XPO6: variants seen among roughly 807,000 people sequenced by gnomAD.
The protein encoded by XPO6 is exportin-6.
Under a neutral mutation model 130.0 loss-of-function variants are expected in XPO6, and 3 were observed. The observed-to-expected ratio is 0.02, with a 90% CI of 0.01 to 0.06. The LOEUF is 0.06. Ranked by LOEUF, XPO6 falls within the 10% of genes least tolerant of loss-of-function variation. The probability of loss-of-function intolerance (pLI) is 1.00; values close to 1 mark genes in which losing one functional copy is unlikely to be tolerated. For missense variants in XPO6, 970 were observed against 1,393.0 expected (o/e 0.70, Z 4.83); for synonymous variants, 524 against 548.9 (o/e 0.95, Z 0.63).
chr16:28,133,529 C>T (rs986311037), intron 11 of XPO6, among the ~76,000 whole-genome samples: 1 of 152,124 alleles, frequency 6.6e-6, no homozygotes, highest in Non-Finnish European at 1.5e-5. Context: ...GCCAGCTTTT[C>T]AGCAATGTAA....
intron 5 of XPO6, 85 bp from the exon 6 acceptor site, chr16:28,166,670 C>T: frequency 1.9e-6 from 3 of 1,539,444 alleles, no homozygotes; most frequent in Non-Finnish European, 2.6e-6. Context: ...CTTGATACCT[C>T]TGATCAAACA....
intron 15 of XPO6, among the ~76,000 whole-genome samples, chr16:28,116,479 CA>C (rs771991055): frequency 2.8e-3 from 267 of 94,884 alleles, no homozygotes; most frequent in Admixed American, 3.3e-3. Context: ...ACAAAAACGA[CA>C]AAAAAAAAAA....
chr16:28,129,838 G>A (rs771820452), intron 12 of XPO6, among the ~76,000 whole-genome samples: 29 of 152,360 alleles, frequency 1.9e-4, no homozygotes, highest in South Asian at 8.3e-4. Flanking sequence ...GGGTTACTTA[G>A]AGGAGAAATA....
Position 28,133,945 on chromosome 16 carries a change from G to T in XPO6, c.1444-12C>A. 6.2e-7 allele frequency: 1 copy of T among 1,613,636 alleles called. No individual in the cohort carries two copies. The highest frequency in any genetic ancestry group is 8.5e-7 in the Non-Finnish European group (1 of 1,179,814). Reference sequence around the variant, plus strand: ...CACTCCGTCTGCTGCTGTAGGGGAAGCACAGGAGAATCAGCTCTCCCAGAA... The same window carrying T: ...CACTCCGTCTGCTGCTGTAGGGGAATCACAGGAGAATCAGCTCTCCCAGAA... On this transcript the variant is annotated splice_polypyrimidine_tract_variant and intron_variant, in intron 10 of 23. Transcript: ENST00000304658.
intron 1 of XPO6, among the ~76,000 whole-genome samples, chr16:28,194,431 C>G (rs1468085584): frequency 6.6e-6 from 1 of 152,164 alleles, no homozygotes. Context: ...GGACTAGACT[C>G]ATGATTCTAG....
In XPO6 at chr16:28,103,937, G is replaced by C. The variant is rs190689367; in HGVS notation, c.2946+609C>G. Among the ~76,000 whole-genome samples, 481 of 152,354 alleles carry C rather than the reference G, an allele frequency of 3.2e-3. 5 individuals carry two copies. The highest frequency in any genetic ancestry group is 0.011 in the African/African-American group (467 of 41,590). ...GACTCCCCTAGCTAGACTCAGATGAGAACGTCAGACACTTGAGTGCAGACC... is the reference window on the plus strand; with the variant it reads ...GACTCCCCTAGCTAGACTCAGATGACAACGTCAGACACTTGAGTGCAGACC... On this transcript the variant is annotated intron_variant, in intron 21 of 23. Transcript: ENST00000304658.
chr16:28,133,495 T>C (rs1468516504), intron 11 of XPO6, among the ~76,000 whole-genome samples: 1 of 152,156 alleles, frequency 6.6e-6, no homozygotes, highest in East Asian at 1.9e-4. Context: ...AGCTAGCAAT[T>C]TGCCAAGAGC....
chr16:28,156,557 C>G, intron 6 of XPO6, 30 bp from the exon 7 acceptor site: 1 of 1,491,110 alleles, frequency 6.7e-7, no homozygotes, highest in Non-Finnish European at 9.0e-7. Context: ...TTAAGCTATC[C>G]AGCATCAAAT....
chr16:28,154,741 A>G (rs900719643), intron 7 of XPO6: 5 of 152,216 alleles, frequency 3.3e-5, no homozygotes, highest in African/African-American at 4.8e-5. Context: ...AAGCCACAAC[A>G]AAGTTGTCTG....
chr16:28,107,434 A>C (rs2141239223), intron 18 of XPO6, 88 bp downstream of exon 18: 40 of 1,482,134 alleles, frequency 2.7e-5, no homozygotes, highest in Non-Finnish European at 3.5e-5. Context: ...CCTGTACTGC[A>C]CCGACTCAGT....
chr16:28,201,298 TC>T (rs2043949577), intron 1 of XPO6, among the ~76,000 whole-genome samples: 1 of 152,188 alleles, frequency 6.6e-6, no homozygotes, highest in Non-Finnish European at 1.5e-5. Context: ...ACTATTACTA[TC>T]ATTTACTAAC....
At chr16:28,123,251 G>A (rs1030784803) in intron 13 of XPO6, among the ~76,000 whole-genome samples, 7 of 152,008 alleles carry the variant, frequency 4.6e-5, no homozygotes, top group African/African-American at 9.7e-5. Context: ...GACTACAGGC[G>A]CATGCCACCA....
intron 1 of XPO6, among the ~76,000 whole-genome samples, chr16:28,191,761 T>C (rs1474732367): frequency 1.3e-5 from 2 of 152,196 alleles, no homozygotes; most frequent in East Asian, 1.9e-4. Flanking sequence ...TTACCTGGCA[T>C]TGGATGACAT....
At chr16:28,183,772 G>C (rs2043653466) in intron 1 of XPO6, among the ~76,000 whole-genome samples, 1 of 152,132 alleles carries the variant, frequency 6.6e-6, no homozygotes. Flanking sequence ...TTTGAAACTA[G>C]AGACTCATGC....
At chr16:28,178,263 G>C (rs1407234904) in intron 2 of XPO6, among the ~76,000 whole-genome samples, 3 of 152,094 alleles carry the variant, frequency 2.0e-5, no homozygotes, top group Non-Finnish European at 2.9e-5. Context: ...CAACGACGCA[G>C]TCTCATTAAA....
At chr16:28,177,043 GTGGAAGA>G (rs1283429286) in intron 3 of XPO6, among the ~76,000 whole-genome samples, 170 bp downstream of exon 3, 1 of 152,100 alleles carries the variant, frequency 6.6e-6, no homozygotes, top group African/African-American at 2.4e-5. Context: ...CCTTTCTAGT[GTGGAAGA>G]TGGAAGATGC....
intron 17 of XPO6, among the ~76,000 whole-genome samples, chr16:28,109,326 A>T (rs2086862583): frequency 6.6e-6 from 1 of 151,174 alleles, no homozygotes; most frequent in Admixed American, 6.6e-5. Context: ...GTTTTCAAGA[A>T]GAAAGAGGCA....
At chr16:28,112,057 G>A in intron 16 of XPO6, 51 bp from the exon 17 acceptor site, 1 of 1,554,034 alleles carries the variant, frequency 6.4e-7, no homozygotes. Flanking sequence ...AAAGACCGTG[G>A]TGCGGCATGC....
At chr16:28,104,066 A>T (rs1009501338) in intron 21 of XPO6, among the ~76,000 whole-genome samples, 1 of 151,994 alleles carries the variant, frequency 6.6e-6, no homozygotes, top group African/African-American at 2.4e-5. Context: ...CAGACAGTGC[A>T]CTCTCTCCAA....
Sources: allele counts gnomAD v4.1 joint callset (sites outside exome capture counted in the v4.1 genomes callset), GRCh38; gene constraint gnomAD v4.1.1; transcripts MANE v1.5; gene names NCBI Gene and HGNC (gene_info 2026-07-23, HGNC 2026-07-21).